Variants in CLIC5 observed in about 807,000 individuals in gnomAD.
The protein encoded by CLIC5 is CLIC family member 5.
CLIC5 carries 20 observed loss-of-function variants against 24.7 expected under a neutral mutation model. That is an observed-to-expected ratio of 0.81 (90% CI 0.57 to 1.18). The LOEUF (loss-of-function observed/expected upper bound fraction) is 1.18. Among genes scored for constraint, CLIC5 ranks in the 50% most tolerant of loss-of-function variants. The pLI is 0.00. For missense variants in CLIC5, 341 were observed against 326.1 expected (o/e 1.05, Z -0.35); for synonymous variants, 159 against 135.6 (o/e 1.17, Z -1.20).
At chr6:45,936,156 C>T (rs937121319) in intron 4 of CLIC5, among the ~76,000 whole-genome samples, 6 of 145,988 alleles carry the variant, frequency 4.1e-5, no homozygotes, top group Admixed American at 3.4e-4. Flanking sequence ...TGCTAAGGTA[C>T]AATTGTCTAC....
intron 4 of CLIC5, among the ~76,000 whole-genome samples, chr6:45,928,749 A>G (rs1022372219): frequency 1.3e-5 from 2 of 149,006 alleles, no homozygotes; most frequent in African/African-American, 5.1e-5. Context: ...GAACATCAGA[A>G]CACACACGAA....
the CLIC5 span, among the ~76,000 whole-genome samples, chr6:46,108,858 T>A: frequency 2.6e-5 from 4 of 152,332 alleles, no homozygotes; most frequent in Middle Eastern, 3.4e-3. Context: ...ATATTTCAAA[T>A]TCCAAATTTG....
intron 4 of CLIC5, among the ~76,000 whole-genome samples, chr6:45,931,606 G>A (rs1379528641): frequency 6.6e-6 from 1 of 152,180 alleles, no homozygotes; most frequent in Non-Finnish European, 1.5e-5. Context: ...GAGAGGTTAA[G>A]TGAAAACACT....
At chr6:45,995,646 C>T (rs887270588) in intron 1 of CLIC5, among the ~76,000 whole-genome samples, 1 of 152,082 alleles carries the variant, frequency 6.6e-6, no homozygotes, top group Non-Finnish European at 1.5e-5. Context: ...TAGAAGCACT[C>T]AAATTAGGTG....
At chr6:45,984,137 A>G (rs1369746777) in intron 1 of CLIC5, among the ~76,000 whole-genome samples, 1 of 152,224 alleles carries the variant, frequency 6.6e-6, no homozygotes, top group Non-Finnish European at 1.5e-5. Flanking sequence ...GAAAACTAGT[A>G]CAAAAATTGA....
chr6:46,017,768 G>C (rs1481121253), upstream of CLIC5, among the ~76,000 whole-genome samples: 1 of 152,176 alleles, frequency 6.6e-6, no homozygotes. Flanking sequence ...AGGCTTCATG[G>C]AGCAAAAGGC....
intron 1 of CLIC5, among the ~76,000 whole-genome samples, chr6:45,976,264 G>A (rs375652755): frequency 6.6e-5 from 10 of 152,180 alleles, no homozygotes; most frequent in East Asian, 1.9e-4. Flanking sequence ...GGGAAGCAGC[G>A]TTTACTACTG....
chr6:46,076,382 A>AT (rs1762770477), intron 1 of CLIC5, among the ~76,000 whole-genome samples: 1 of 152,258 alleles, frequency 6.6e-6, no homozygotes, highest in Non-Finnish European at 1.5e-5. Context: ...TCAACTAAGA[A>AT]TTTTAAAATG....
At chr6:46,061,611 A>G (rs927304418) in intron 1 of CLIC5, among the ~76,000 whole-genome samples, 1 of 152,212 alleles carries the variant, frequency 6.6e-6, no homozygotes, top group Non-Finnish European at 1.5e-5. Context: ...TCAGTCCTCA[A>G]AGTTTCTGCA....
the CLIC5 span, among the ~76,000 whole-genome samples, chr6:46,104,664 TAA>T: frequency 7.6e-4 from 100 of 131,170 alleles, no homozygotes; most frequent in Admixed American, 8.5e-4. Context: ...CTCCTATGTT[TAA>T]AAAAAAAAAA....
chr6:45,894,123 A>G (rs1228565667), downstream of CLIC5, among the ~76,000 whole-genome samples: 1 of 152,222 alleles, frequency 6.6e-6, no homozygotes, highest in African/African-American at 2.4e-5. Flanking sequence ...TCTTCAACAC[A>G]TGGTTAAATA....
At chr6:46,004,000 A>G (rs757693663) in intron 1 of CLIC5, among the ~76,000 whole-genome samples, 4 of 152,190 alleles carry the variant, frequency 2.6e-5, no homozygotes, top group Non-Finnish European at 5.9e-5. Flanking sequence ...AGACCCAAAA[A>G]TGCTTCAAAA....
At chr6:45,957,486 G>C (rs1764683867) in intron 1 of CLIC5, among the ~76,000 whole-genome samples, 1 of 152,258 alleles carries the variant, frequency 6.6e-6, no homozygotes, top group Admixed American at 6.5e-5. Flanking sequence ...CATGCCTGGA[G>C]CCAGCCTGAG....
chr6:46,125,693 C>T, the CLIC5 span, among the ~76,000 whole-genome samples: 4 of 152,096 alleles, frequency 2.6e-5, no homozygotes, highest in South Asian at 2.1e-4. Context: ...CTTGGACCCA[C>T]GTGCTCAATG....
At chr6:46,109,597 A>G in the CLIC5 span, among the ~76,000 whole-genome samples, 1 of 148,366 alleles carries the variant, frequency 6.7e-6, no homozygotes, top group African/African-American at 2.5e-5. Context: ...CAAAGCAAGT[A>G]TGAATTACAT....
downstream of CLIC5, among the ~76,000 whole-genome samples, chr6:45,896,083 A>G (rs113524187): frequency 1.5e-3 from 221 of 152,304 alleles, 2 homozygotes; most frequent in African/African-American, 5.1e-3. Flanking sequence ...GCAGGGCCTC[A>G]GGGTCATGTT....
intron 1 of CLIC5, among the ~76,000 whole-genome samples, chr6:46,045,993 G>T (rs1451640252): frequency 6.6e-6 from 1 of 152,162 alleles, no homozygotes; most frequent in African/African-American, 2.4e-5. Context: ...TGTAAAGGCA[G>T]GTGCAATCAC....
In CLIC5 at chr6:45,930,179, C is replaced by A. The variant is rs184412072; in HGVS notation, c.406+11368G>T. On this transcript the variant is annotated intron_variant, in intron 4 of 5. Transcript: ENST00000339561. ...CCCCCAGCAGCAGTGGCTTTCATGA[C>A]GCCTGGGGGAAAGCACAGGGCCTTT... is the stretch of plus-strand genomic sequence containing the variant. Among the ~76,000 whole-genome samples, 4 of 152,178 alleles carry A rather than the reference C, an allele frequency of 2.6e-5. No homozygotes were observed. The South Asian group carries it at 8.3e-4, about 32-fold the overall frequency.
intron 1 of CLIC5, among the ~76,000 whole-genome samples, chr6:45,956,388 G>T (rs1764642583): frequency 6.6e-6 from 1 of 152,150 alleles, no homozygotes; most frequent in Non-Finnish European, 1.5e-5. Context: ...CTGACAGGAA[G>T]GGCCTGTGTG....
Sources: allele counts gnomAD v4.1 joint callset (sites outside exome capture counted in the v4.1 genomes callset), GRCh38; gene constraint gnomAD v4.1.1; transcripts MANE v1.5; gene names NCBI Gene and HGNC (gene_info 2026-07-23, HGNC 2026-07-21).